SERP2: variants seen among roughly 807,000 people sequenced by gnomAD.
SERP2 encodes the protein stress-associated endoplasmic reticulum protein 2.
In SERP2, 6 loss-of-function variants were observed where a neutral mutation model predicts 9.1. That is an observed-to-expected ratio of 0.66 (90% CI 0.36 to 1.30). The LOEUF (loss-of-function observed/expected upper bound fraction) is 1.30, where lower values mean the gene tolerates loss of function less well. Among genes scored for constraint, SERP2 ranks in the 50% most tolerant of loss-of-function variants. The probability of loss-of-function intolerance (pLI) is 0.03; values close to 1 mark genes in which losing one functional copy is unlikely to be tolerated. For missense variants in SERP2, 58 were observed against 81.9 expected (o/e 0.71, Z 1.13); for synonymous variants, 37 against 27.3 (o/e 1.35, Z -1.10).
chr13:44,377,106 G>A (rs1871702380), intron 1 of SERP2, among the ~76,000 whole-genome samples: 3 of 152,154 alleles, frequency 2.0e-5, no homozygotes, highest in Non-Finnish European at 1.5e-5. Flanking sequence ...AGATATATGG[G>A]TACTATGATC....
At chr13:44,383,579 C>T (rs1234089868) in intron 2 of SERP2, among the ~76,000 whole-genome samples, 2 of 130,056 alleles carry the variant, frequency 1.5e-5, no homozygotes, top group East Asian at 4.4e-4. Context: ...GACAGAGTCT[C>T]GTTCTATTGA....
chr13:44,375,576 G>A (rs545974471), intron 1 of SERP2, among the ~76,000 whole-genome samples: 2 of 152,242 alleles, frequency 1.3e-5, no homozygotes, highest in African/African-American at 2.4e-5. Context: ...TTGATGTTAA[G>A]GCATGCAGGG....
At position 44,374,088 on chromosome 13, in the gene SERP2, G is replaced by C. The variant is rs1346714835; in HGVS notation, c.63G>C (p.Arg21Ser). Residue 21 changes from arginine to serine, a missense_variant, in exon 1 of 3, where the codon AGG becomes AGC. Physicochemically the swap from Arg to Ser is moderately radical, Grantham distance 110 (BLOSUM62 -1). Transcript: ENST00000379179. The stretch of plus-strand genomic sequence containing the variant: ...AGCACAGCAAAAACATCACCCAGAG[G>C]GGGAACGTAGCCAAAACCCTGGTAA... ...NEKHSKNITQ[R>S]GNVAKTLRPQ... 6.3e-7 allele frequency: 1 copy of C among 1,581,378 alleles called. No homozygotes were observed. Among genetic ancestry groups the C allele is most frequent in the Non-Finnish European group, 8.6e-7 (1 of 1,165,210 alleles).
chr13:44,392,196 CAAAAAAA>C (rs760513486), intron 2 of SERP2, among the ~76,000 whole-genome samples: 1 of 35,980 alleles, frequency 2.8e-5, no homozygotes, highest in African/African-American at 1.3e-4. Context: ...GACTCTGTCT[CAAAAAAA>C]AAAAAAAAAA....
At chr13:44,394,010 G>A (rs537906805) in intron 2 of SERP2, among the ~76,000 whole-genome samples, 1 of 152,192 alleles carries the variant, frequency 6.6e-6, no homozygotes, top group Non-Finnish European at 1.5e-5. Flanking sequence ...TTAATTCATG[G>A]ATTCAATTAT....
rs144598062 is a variant in SERP2, at chr13:44,394,972, GATTA to G, written c.158-2295_158-2292del. Among the ~76,000 whole-genome samples the G allele has an allele frequency of 7.3e-3, 1,112 of 152,334 alleles. 7 individuals are homozygous for G. Among genetic ancestry groups the G allele is most frequent in the African/African-American group, 0.018 (729 of 41,578 alleles). On this transcript the variant is annotated intron_variant, in intron 2 of 2. Transcript: ENST00000379179. ...ACAGAACAGGAAGCAGCCTCTAAGAGATTAATTATTTGTCCAGTCACACAGCTTT... is the reference window on the plus strand; with the variant it reads ...ACAGAACAGGAAGCAGCCTCTAAGAGATTATTTGTCCAGTCACACAGCTTT...
intron 2 of SERP2, among the ~76,000 whole-genome samples, chr13:44,388,978 A>T (rs889968833): frequency 2.0e-5 from 3 of 152,008 alleles, no homozygotes; most frequent in Non-Finnish European, 4.4e-5. Flanking sequence ...CCAAAGAGAC[A>T]CTCTTTTCAG....
chr13:44,387,944 C>T (rs910583335), intron 2 of SERP2, among the ~76,000 whole-genome samples: 2 of 152,190 alleles, frequency 1.3e-5, no homozygotes, highest in African/African-American at 4.8e-5. Context: ...TTAATGGTGA[C>T]CAAAGCCTGG....
intron 2 of SERP2, among the ~76,000 whole-genome samples, chr13:44,391,919 G>T (rs56664580): frequency 0.012 from 1,764 of 152,074 alleles, 40 homozygotes; most frequent in African/African-American, 0.041. Context: ...ATGTGTAAAA[G>T]CCCTGTGGTC....
Position 44,391,780 on chromosome 13 carries a change from G to A in SERP2, c.158-5492G>A, listed in dbSNP as rs1300672518. Among the ~76,000 whole-genome samples, 3 of 152,058 alleles carry A rather than the reference G, an allele frequency of 2.0e-5. No homozygotes were observed. The East Asian group carries it at 5.8e-4, about 29-fold the overall frequency. On this transcript the variant is annotated intron_variant, in intron 2 of 2. Coordinates refer to ENST00000379179, the MANE Select transcript of SERP2 (RefSeq NM_001010897.3). ...TAACCTGTCCCCAAGAGACTGTGAT[G>A]CATGCTCAAGTCTGAGAACCTCTGC... is the stretch of plus-strand genomic sequence containing the variant.
chr13:44,378,339 C>T (rs2138778953), intron 1 of SERP2, among the ~76,000 whole-genome samples: 1 of 152,310 alleles, frequency 6.6e-6, no homozygotes, highest in East Asian at 1.9e-4. Context: ...ATTTCAAAAA[C>T]TTACATCCTT....
At chr13:44,383,544 G>GTTTTTTTTTTTTTTTTTTTTTT (rs373109847) in intron 2 of SERP2, among the ~76,000 whole-genome samples, 1 of 91,830 alleles carries the variant, frequency 1.1e-5, no homozygotes, top group African/African-American at 4.1e-5. Flanking sequence ...GGAGGTTTGC[G>GTTTTTTTTTTTTTTTTTTTTTT]TTTTTTTTGT....
chr13:44,397,561 G>C lies in SERP2; in HGVS notation c.*249G>C. ...GTTGGCAGGATTAGTAGCCACGCGG[G>C]TCGTCCGCAGCAGTGCTGTTTTTTT... On this transcript the variant is annotated 3_prime_UTR_variant, in exon 3 of 3. Coordinates refer to ENST00000379179, the MANE Select transcript of SERP2 (RefSeq NM_001010897.3). The C allele has an allele frequency of 1.8e-6, 1 of 549,920 alleles. No homozygotes were observed. The highest frequency in any genetic ancestry group is 3.3e-6 in the Non-Finnish European group (1 of 306,656). The allele number at this position is 549,920 out of a possible 1,614,324, so 34.1% of individuals were successfully genotyped here.
chr13:44,379,654 A>G lies in SERP2; in HGVS notation c.98A>G (p.Glu33Gly). The change falls in exon 2 of 3, where the codon GAG becomes GGG. Residue 33 changes from glutamate (E) to glycine (G), a missense_variant. Glu to Gly is a moderately conservative substitution (Grantham distance 98, BLOSUM62 -2). Transcript: ENST00000379179. ...ATTCCCTTTTAGAGGCCGCAAGAGGAGAAATATCCTGTGGGACCATGGCTG... is the reference window on the plus strand; with the variant it reads ...ATTCCCTTTTAGAGGCCGCAAGAGGGGAAATATCCTGTGGGACCATGGCTG... The part of the protein sequence containing the change: ...NVAKTLRPQE[E>G]KYPVGPWLLA... The G allele has an allele frequency of 6.2e-7, 1 of 1,612,422 alleles. No homozygotes were observed. Among genetic ancestry groups the G allele is most frequent in the Non-Finnish European group, 8.5e-7 (1 of 1,179,132 alleles).
intron 2 of SERP2, among the ~76,000 whole-genome samples, 192 bp from the exon 3 acceptor site, chr13:44,397,080 G>A (rs904501545): frequency 2.6e-5 from 4 of 152,202 alleles, no homozygotes; most frequent in South Asian, 2.1e-4. Context: ...TCCATCAGCC[G>A]ACTGAGCGAG....
chr13:44,379,677 C>T lies in SERP2; in HGVS notation c.121C>T (p.Leu41=). 6.2e-7 allele frequency: 1 copy of T among 1,613,240 alleles called. No individual in the cohort carries two copies. Among genetic ancestry groups the T allele is most frequent in the Middle Eastern group, 1.7e-4 (1 of 6,054 alleles). ...QEEKYPVGPW[L]LALFVFVVCG... ...GGAGAAATATCCTGTGGGACCATGG[C>T]TGTTGGCACTGTTTGTTTTTGTTGT... Residue 41 remains leucine (L), a synonymous_variant, in exon 2 of 3, where the codon CTG becomes TTG. Transcript: ENST00000379179.
intron 2 of SERP2, chr13:44,390,380 C>T (rs750824404): frequency 1.1e-5 from 5 of 453,026 alleles, no homozygotes; most frequent in South Asian, 7.8e-5. Flanking sequence ...ATTGGCCTCT[C>T]CTGGAGACTG....
intron 2 of SERP2, among the ~76,000 whole-genome samples, chr13:44,392,269 C>T (rs1872826752): frequency 7.0e-6 from 1 of 143,488 alleles, no homozygotes; most frequent in African/African-American, 2.6e-5. Context: ...GGGAGTACCC[C>T]AAGCAAGGAG....
At chr13:44,374,689 G>A (rs1451138797) in intron 1 of SERP2, among the ~76,000 whole-genome samples, 1 of 152,156 alleles carries the variant, frequency 6.6e-6, no homozygotes, top group Non-Finnish European at 1.5e-5. Flanking sequence ...GCCCCTTTGT[G>A]ACGGTTTCAC....
Sources: allele counts gnomAD v4.1 joint callset (sites outside exome capture counted in the v4.1 genomes callset), GRCh38; gene constraint gnomAD v4.1.1; transcripts MANE v1.5; gene names NCBI Gene and HGNC (gene_info 2026-07-23, HGNC 2026-07-21).